Variants in CACNG2 observed in about 807,000 individuals in gnomAD.
CACNG2 encodes voltage-dependent calcium channel gamma-2 subunit.
A neutral mutation model predicts 25.9 loss-of-function variants in CACNG2; 3 were observed. The ratio of observed to expected loss-of-function variants is 0.12; its 90% CI spans 0.05 to 0.30. The LOEUF is 0.30. Among genes scored for constraint, CACNG2 ranks in the 10% least tolerant of loss-of-function variants. The pLI, the probability that CACNG2 is intolerant of heterozygous loss-of-function variation, is 1.00. For synonymous variants in CACNG2, 167 were observed against 173.3 expected, an observed-to-expected ratio of 0.96 and a Z score of 0.29; for missense variants, 341 against 432.5, an observed-to-expected ratio of 0.79 and a Z score of 1.88.
intron 1 of CACNG2, among the ~76,000 whole-genome samples, chr22:36,693,995 G>A (rs147209596): frequency 2.2e-4 from 34 of 152,206 alleles, no homozygotes; most frequent in African/African-American, 6.3e-4. Flanking sequence ...GCAAATACTC[G>A]GGAACAGTTG....
intron 1 of CACNG2, among the ~76,000 whole-genome samples, chr22:36,685,106 G>C (rs147626142): frequency 6.6e-6 from 1 of 152,128 alleles, no homozygotes; most frequent in Admixed American, 6.5e-5. Flanking sequence ...TCCATGCCCC[G>C]CCTGGTTTCT....
chr22:36,570,762 C>CAAAAAA (rs11445356), intron 2 of CACNG2, among the ~76,000 whole-genome samples: 1 of 64,176 alleles, frequency 1.6e-5, no homozygotes, highest in African/African-American at 5.1e-5. Flanking sequence ...GACTCCATCT[C>CAAAAAA]AAAAAAAAAA....
intron 1 of CACNG2, among the ~76,000 whole-genome samples, chr22:36,621,116 C>G (rs1467759983): frequency 6.6e-6 from 1 of 152,228 alleles, no homozygotes; most frequent in African/African-American, 2.4e-5. Flanking sequence ...TCTAATGGAT[C>G]TCTTATAGGT....
chr22:36,674,546 C>T lies in CACNG2; in HGVS notation c.211+27820G>A, dbSNP rs537243114. On this transcript the variant is annotated intron_variant, in intron 1 of 3. Transcript: ENST00000300105. The stretch of plus-strand genomic sequence containing the variant: ...GTTTCACCATGTTGGCCAGGCTGGT[C>T]TCGAACTCCTGAGCTTAAGCGATCC... Among the ~76,000 whole-genome samples, 4 of 152,302 alleles carry T rather than the reference C, an allele frequency of 2.6e-5. No individual in the cohort carries two copies. The South Asian group carries it at 8.3e-4, about 32-fold the overall frequency.
At chr22:36,586,661 G>C (rs936636316) in intron 2 of CACNG2, among the ~76,000 whole-genome samples, 1 of 152,240 alleles carries the variant, frequency 6.6e-6, no homozygotes, top group African/African-American at 2.4e-5. Context: ...AGGTGGCAGG[G>C]CCTGGAGCAG....
At chr22:36,599,182 A>G (rs1315879540) in intron 1 of CACNG2, among the ~76,000 whole-genome samples, 2 of 152,216 alleles carry the variant, frequency 1.3e-5, no homozygotes, top group Non-Finnish European at 1.5e-5. Context: ...ATATTGATGT[A>G]ATGTAGTGTA....
In CACNG2 at chr22:36,606,761, T is replaced by TG. The variant is rs576777106; in HGVS notation, c.212-19214dup. Among the ~76,000 whole-genome samples the TG allele has an allele frequency of 7.5e-6, 1 of 133,554 alleles. No individual in the cohort carries two copies. Among genetic ancestry groups the TG allele is most frequent in the Non-Finnish European group, 1.7e-5 (1 of 59,860 alleles). 87.6% of individuals were successfully genotyped at this position (133,554 alleles called of 152,430 possible). ...AAACCAGACGGTTGGGCTGTGCGTGTGTGTGTGTGTGTGTGTGTATGTGTT... is the reference window on the plus strand; with the variant it reads ...AAACCAGACGGTTGGGCTGTGCGTGTGGTGTGTGTGTGTGTGTGTATGTGTT... On this transcript the variant is annotated intron_variant, in intron 1 of 3. Transcript: ENST00000300105. This position sits in a 1 kb window ranked among gnomAD's most constrained non-coding sequence, Gnocchi z 5.7.
chr22:36,572,827 C>T (rs1935254535), intron 2 of CACNG2, among the ~76,000 whole-genome samples: 1 of 152,104 alleles, frequency 6.6e-6, no homozygotes, highest in Non-Finnish European at 1.5e-5. Flanking sequence ...GCCACGTGGT[C>T]CAGAGCAGGG....
intron 1 of CACNG2, among the ~76,000 whole-genome samples, chr22:36,687,184 A>T (rs1937212078): frequency 6.6e-6 from 1 of 152,164 alleles, no homozygotes; most frequent in Non-Finnish European, 1.5e-5. Flanking sequence ...TGGAGTGGGG[A>T]GCGAGCAGGG....
At chr22:36,567,981 C>T (rs1270293629) in intron 2 of CACNG2, among the ~76,000 whole-genome samples, 1 of 151,756 alleles carries the variant, frequency 6.6e-6, no homozygotes, top group Non-Finnish European at 1.5e-5. Context: ...TCCCAAGTAG[C>T]TGGGACTACA....
chr22:36,583,443 G>GAAAA (rs111439765), intron 2 of CACNG2, among the ~76,000 whole-genome samples: 5 of 146,650 alleles, frequency 3.4e-5, no homozygotes, highest in African/African-American at 1.3e-4. Context: ...AAAAAAAAAA[G>GAAAA]AAAAAAAAAA....
chr22:36,568,907 C>T (rs927843401), intron 2 of CACNG2, among the ~76,000 whole-genome samples: 2 of 152,116 alleles, frequency 1.3e-5, no homozygotes, highest in South Asian at 4.1e-4. Context: ...GGCTACTCTG[C>T]AGCCTCAGCA....
chr22:36,597,118 G>A (rs777113987), intron 1 of CACNG2, among the ~76,000 whole-genome samples: 5 of 152,162 alleles, frequency 3.3e-5, no homozygotes, highest in South Asian at 2.1e-4. Flanking sequence ...CGCCTCCCAG[G>A]TTCAAGCAAT....
intron 1 of CACNG2, among the ~76,000 whole-genome samples, chr22:36,659,989 C>T (rs1936766143): frequency 6.6e-6 from 1 of 152,216 alleles, no homozygotes; most frequent in Admixed American, 6.5e-5. Flanking sequence ...CCAGCTTGCA[C>T]TGACTGCCCA....
intron 1 of CACNG2, 123 bp downstream of exon 1, chr22:36,702,243 T>G: frequency 3.0e-6 from 2 of 660,748 alleles, no homozygotes; most frequent in Non-Finnish European, 5.3e-6. Flanking sequence ...TGATTGGTGG[T>G]GGAAGGAGTG....
At chr22:36,692,465 T>C (rs116542702) in intron 1 of CACNG2, among the ~76,000 whole-genome samples, 1 of 152,196 alleles carries the variant, frequency 6.6e-6, no homozygotes, top group East Asian at 1.9e-4. Flanking sequence ...CAGTGACTTA[T>C]CAGCTTTTAT....
At chr22:36,699,009 G>A (rs1269575109) in intron 1 of CACNG2, among the ~76,000 whole-genome samples, 1 of 152,216 alleles carries the variant, frequency 6.6e-6, no homozygotes, top group Non-Finnish European at 1.5e-5. Context: ...GCAGCCTAGA[G>A]ACACCTTGCT....
chr22:36,651,139 A>G (rs1025516539), intron 1 of CACNG2, among the ~76,000 whole-genome samples: 3 of 151,908 alleles, frequency 2.0e-5, no homozygotes, highest in Non-Finnish European at 4.4e-5. Context: ...GTGTGGTCCC[A>G]TAAACCCTGT....
intron 1 of CACNG2, among the ~76,000 whole-genome samples, chr22:36,690,703 A>G (rs562633240): frequency 3.3e-5 from 5 of 152,150 alleles, no homozygotes; most frequent in African/African-American, 4.8e-5. Context: ...TGGGATTTGA[A>G]CCCAGGCTGT....
Sources: gnomAD v4.1 joint callset for allele counts (sites outside exome capture counted in the v4.1 genomes callset) on GRCh38, gnomAD v4.1.1 for gene constraint, Gnocchi (gnomAD v3.1) non-coding constraint, MANE v1.5 for transcripts, NCBI Gene and HGNC (gene_info 2026-07-23, HGNC 2026-07-21) for gene names.